The following NRG3 variants were observed in gnomAD, a reference collection of about 807,000 sequenced individuals.
The protein encoded by NRG3 is neuregulin 3.
NRG3 carries 31 observed loss-of-function variants against 66.9 expected under a neutral mutation model. The ratio of observed to expected loss-of-function variants is 0.46; its 90% CI spans 0.35 to 0.63. NRG3 has a LOEUF of 0.63. Among genes scored for constraint, NRG3 ranks in the 20% least tolerant of loss-of-function variants. The probability of loss-of-function intolerance (pLI) is 0.00; values close to 1 mark genes in which losing one functional copy is unlikely to be tolerated. For missense variants in NRG3, 910 were observed against 878.9 expected, an observed-to-expected ratio of 1.04 and a Z score of -0.45; for synonymous variants, 393 against 359.4, an observed-to-expected ratio of 1.09 and a Z score of -1.06.
intron 8 of NRG3, among the ~76,000 whole-genome samples, chr10:82,982,778 C>G (rs1232928576): frequency 6.6e-6 from 1 of 152,180 alleles, no homozygotes; most frequent in Admixed American, 6.5e-5. Flanking sequence ...TAATTCAAAA[C>G]AAAATCACAG....
At chr10:81,896,078 G>T (rs1017344019) in intron 1 of NRG3, among the ~76,000 whole-genome samples, 1 of 152,134 alleles carries the variant, frequency 6.6e-6, no homozygotes, top group African/African-American at 2.4e-5. Context: ...AGCTAGTAAG[G>T]ACTGTTAGAG....
chr10:82,660,452 A>G (rs2052268068), intron 2 of NRG3, among the ~76,000 whole-genome samples: 1 of 152,012 alleles, frequency 6.6e-6, no homozygotes, highest in African/African-American at 2.4e-5. Context: ...TAATGCATAG[A>G]TTTGGTGAAA....
At chr10:82,805,830 A>G (rs1053106221) in intron 3 of NRG3, among the ~76,000 whole-genome samples, 1 of 152,180 alleles carries the variant, frequency 6.6e-6, no homozygotes, top group African/African-American at 2.4e-5. Flanking sequence ...CTTTCAGATT[A>G]AATATTCTGA....
At chr10:82,294,567 TTGATCCCTCTTTCTTGTTAC>T (rs2079947163) in intron 1 of NRG3, among the ~76,000 whole-genome samples, 1 of 152,120 alleles carries the variant, frequency 6.6e-6, no homozygotes, top group African/African-American at 2.4e-5. Flanking sequence ...AAGGAAGTGT[TTGATCCCTCTTTCTTGTTAC>T]ATATAAAGAC....
At chr10:81,914,516 T>TGAGACTGGGAGTTCGAGAC (rs774181523) in intron 1 of NRG3, among the ~76,000 whole-genome samples, 1 of 152,050 alleles carries the variant, frequency 6.6e-6, no homozygotes, top group Non-Finnish European at 1.5e-5. Flanking sequence ...CAGGATTGGT[T>TGAGACTGGGAGTTCGAGAC]GAGACTGGGA....
chr10:82,811,173 C>G (rs1390470801), intron 3 of NRG3, among the ~76,000 whole-genome samples: 1 of 152,188 alleles, frequency 6.6e-6, no homozygotes, highest in Non-Finnish European at 1.5e-5. Flanking sequence ...TAGCTCTTTA[C>G]CATGATATGT....
At chr10:82,323,594 T>A (rs2081699403) in intron 1 of NRG3, among the ~76,000 whole-genome samples, 1 of 152,020 alleles carries the variant, frequency 6.6e-6, no homozygotes, top group Non-Finnish European at 1.5e-5. Flanking sequence ...TGTCTTTGGT[T>A]TTGGTGTTGG....
chr10:82,405,416 A>G (rs1205676636), intron 2 of NRG3, among the ~76,000 whole-genome samples: 6 of 151,474 alleles, frequency 4.0e-5, no homozygotes, highest in Non-Finnish European at 8.8e-5. Flanking sequence ...GAGATTGTTC[A>G]TGAAAGTACC....
chr10:82,285,145 A>G (rs2079344241), intron 1 of NRG3, among the ~76,000 whole-genome samples: 1 of 152,182 alleles, frequency 6.6e-6, no homozygotes, highest in Non-Finnish European at 1.5e-5. Flanking sequence ...CCCCGAGCAA[A>G]AAAACATAAC....
intron 1 of NRG3, among the ~76,000 whole-genome samples, chr10:81,886,682 G>A (rs914352248): frequency 6.6e-6 from 1 of 152,052 alleles, no homozygotes; most frequent in African/African-American, 2.4e-5. Context: ...GCATTTGTAT[G>A]TTTTAAGTTA....
At chr10:82,385,842 CA>C (rs1205366873) in intron 2 of NRG3, among the ~76,000 whole-genome samples, 1 of 152,082 alleles carries the variant, frequency 6.6e-6, no homozygotes, top group African/African-American at 2.4e-5. Flanking sequence ...AAAATAAAGG[CA>C]AAAGCCAAGC....
intron 6 of NRG3, among the ~76,000 whole-genome samples, chr10:82,968,549 C>T (rs1851418678): frequency 6.6e-6 from 1 of 151,854 alleles, no homozygotes; most frequent in Non-Finnish European, 1.5e-5. Context: ...TGAGTGTTAT[C>T]CGGAATTTTG....
At chr10:82,713,360 T>C (rs977790060) in intron 2 of NRG3, among the ~76,000 whole-genome samples, 1 of 152,052 alleles carries the variant, frequency 6.6e-6, no homozygotes, top group Non-Finnish European at 1.5e-5. Context: ...GTTGTTGCAG[T>C]AATACAGACA....
At chr10:82,028,070 T>C (rs951539141) in intron 1 of NRG3, among the ~76,000 whole-genome samples, 1 of 152,128 alleles carries the variant, frequency 6.6e-6, no homozygotes, top group African/African-American at 2.4e-5. Context: ...ATATGAGTAG[T>C]AGTAAGTAGA....
At chr10:82,966,689 G>C (rs1270557425) in intron 6 of NRG3, among the ~76,000 whole-genome samples, 3 of 151,918 alleles carry the variant, frequency 2.0e-5, no homozygotes, top group Non-Finnish European at 4.4e-5. Context: ...TAAGTTATTT[G>C]GGATTCTATC....
chr10:82,898,097 C>A (rs1166121757), intron 4 of NRG3, among the ~76,000 whole-genome samples: 1 of 152,106 alleles, frequency 6.6e-6, no homozygotes, highest in Admixed American at 6.5e-5. Context: ...GAGTCAGTGC[C>A]CCTAGAGCAA....
intron 2 of NRG3, among the ~76,000 whole-genome samples, chr10:82,645,359 A>T (rs1565160622): frequency 6.6e-6 from 1 of 152,168 alleles, no homozygotes; most frequent in Non-Finnish European, 1.5e-5. Context: ...TGAATTTCTA[A>T]TTCTTGGAAT....
intron 1 of NRG3, among the ~76,000 whole-genome samples, chr10:81,898,334 C>T (rs986379558): frequency 2.6e-5 from 4 of 152,108 alleles, no homozygotes; most frequent in East Asian, 1.9e-4. Context: ...CCCCTAAAGA[C>T]GACAATGGTT....
chr10:82,613,087 G>A (rs1200968333), intron 2 of NRG3, among the ~76,000 whole-genome samples: 1 of 152,102 alleles, frequency 6.6e-6, no homozygotes, highest in Non-Finnish European at 1.5e-5. Context: ...TTGTTACTCA[G>A]TAGATTACAA....
Sources: gnomAD v4.1 joint callset for allele counts (sites outside exome capture counted in the v4.1 genomes callset) on GRCh38, gnomAD v4.1.1 for gene constraint, MANE v1.5 for transcripts, NCBI Gene and HGNC (gene_info 2026-07-23, HGNC 2026-07-21) for gene names.